The following SERAC1 variants were observed in gnomAD, a reference collection of about 807,000 sequenced individuals.
SERAC1 encodes serine active site containing 1.
SERAC1 carries 36 observed loss-of-function variants against 85.7 expected under a neutral mutation model. The ratio of observed to expected loss-of-function variants is 0.42; its 90% CI spans 0.32 to 0.55. The LOEUF (loss-of-function observed/expected upper bound fraction) is 0.55, where lower values mean the gene tolerates loss of function less well. Ranked by LOEUF, SERAC1 falls within the 20% of genes least tolerant of loss-of-function variation. SERAC1 has a pLI of 0.11. For synonymous variants in SERAC1, 242 were observed against 265.3 expected (o/e 0.91, Z 0.85); for missense variants, 629 against 796.2 (o/e 0.79, Z 2.53).
chr6:158,141,401 T>C (rs1041458008), intron 8 of SERAC1, among the ~76,000 whole-genome samples: 1 of 152,180 alleles, frequency 6.6e-6, no homozygotes, highest in African/African-American at 2.4e-5. Context: ...TAAAACCCAA[T>C]GAATTGTATA....
chr6:158,137,416 A>T (rs999237006), intron 8 of SERAC1, among the ~76,000 whole-genome samples: 5 of 149,162 alleles, frequency 3.4e-5, no homozygotes, highest in Non-Finnish European at 7.4e-5. Flanking sequence ...TCTGTCATTT[A>T]AAAAAAAAAT....
chr6:158,163,851 C>T (rs553652027), intron 1 of SERAC1, among the ~76,000 whole-genome samples: 2 of 152,044 alleles, frequency 1.3e-5, no homozygotes, highest in Non-Finnish European at 2.9e-5. Flanking sequence ...ATTCTCCTGC[C>T]TCAGCCTCCC....
intron 16 of SERAC1, chr6:158,112,448 A>AT (rs138701828): frequency 0.2 from 30,843 of 151,868 alleles, 3,234 homozygotes; most frequent in East Asian, 0.3. Context: ...CTGTTGCTTC[A>AT]AGCTTCCAAA....
intron 1 of SERAC1, among the ~76,000 whole-genome samples, chr6:158,165,030 G>A (rs1562464555): frequency 6.6e-6 from 1 of 152,186 alleles, no homozygotes; most frequent in African/African-American, 2.4e-5. Context: ...CCGAGTCCCT[G>A]ATGATTACAG....
At position 158,111,397 on chromosome 6, in the gene SERAC1, C is replaced by A. The variant is rs775296113; in HGVS notation, c.1934G>T (p.Arg645Leu). 1 of 1,603,136 alleles carries A rather than the reference C, an allele frequency of 6.2e-7. No individual in the cohort carries two copies. Among genetic ancestry groups the A allele is most frequent in the Non-Finnish European group, 8.5e-7 (1 of 1,176,894 alleles). Reference protein sequence around the residue: ...FLYQRTLQFIREALAKDLEN With the variant: ...FLYQRTLQFILEALAKDLEN ...TTCAAGGTCTTTGGCTAAAGCTTCA[C>A]GAATGAATTGTAAAGTACGCTGGTA... The change falls in exon 17 of 17, where the codon CGT becomes CTT. Residue 645 changes from arginine (R) to leucine (L), a missense_variant. Physicochemically the swap from Arg to Leu is moderately radical, Grantham distance 102. Transcript: ENST00000647468.
chr6:158,121,305 G>A (rs963364422), intron 10 of SERAC1, among the ~76,000 whole-genome samples: 5 of 151,846 alleles, frequency 3.3e-5, no homozygotes, highest in Admixed American at 1.3e-4. Context: ...TAGCTTTTTC[G>A]CTATATCTAT....
At chr6:158,133,316 A>G (rs1321735298) in intron 8 of SERAC1, among the ~76,000 whole-genome samples, 1 of 151,720 alleles carries the variant, frequency 6.6e-6, no homozygotes, top group African/African-American at 2.4e-5. Context: ...CAAAAAAAAA[A>G]AAGGAATAGG....
intron 5 of SERAC1, among the ~76,000 whole-genome samples, chr6:158,148,472 T>C (rs1346295499): frequency 6.6e-6 from 1 of 152,128 alleles, no homozygotes; most frequent in East Asian, 1.9e-4. Flanking sequence ...AGACAGAGTC[T>C]CACTCTGTCA....
chr6:158,150,644 G>GGCCGGGCGCGGTGGCTC, intron 3 of SERAC1, 55 bp from the exon 4 acceptor site: 1 of 1,258,596 alleles, frequency 7.9e-7, no homozygotes, highest in Non-Finnish European at 1.1e-6. Flanking sequence ...TGTAACACAA[G>GGCCGGGCGCGGTGGCTC]AGCTACTCTT....
At chr6:158,149,100 C>T in intron 4 of SERAC1, 146 bp from the exon 5 acceptor site, 4 of 565,566 alleles carry the variant, frequency 7.1e-6, no homozygotes, top group Middle Eastern at 4.9e-4. Context: ...CCCCATTCTC[C>T]TGCTTCACAG....
intron 8 of SERAC1, among the ~76,000 whole-genome samples, chr6:158,139,075 G>GT (rs1323557596): frequency 6.6e-6 from 1 of 151,850 alleles, no homozygotes; most frequent in East Asian, 1.9e-4. Context: ...ACTGGTTAAT[G>GT]TTTTTCTTCT....
chr6:158,143,306 TC>T, intron 7 of SERAC1, 122 bp from the exon 8 acceptor site: 1 of 282,236 alleles, frequency 3.5e-6, no homozygotes, highest in Non-Finnish European at 6.5e-6. Context: ...TGTGTGCATG[TC>T]TCTCTCTCTC....
rs536606332 is a variant in SERAC1 at position 158,147,852 on chromosome 6, G to A, written c.356-939C>T. ...ATTCAATAACTGTTATTATTTTACC[G>A]TATTTTCTTCATCTATATTCACATG... On this transcript the variant is annotated intron_variant, in intron 5 of 16. Transcript: ENST00000647468. Among the ~76,000 whole-genome samples the A allele has an allele frequency of 6.3e-5, 9 of 143,820 alleles. No individual in the cohort carries two copies. In the South Asian group the frequency reaches 6.6e-4, roughly 11 times the overall value. 94.4% of individuals were successfully genotyped at this position (143,820 alleles called of 152,430 possible).
At position 158,116,688 on chromosome 6, in the gene SERAC1, T is replaced by C. The variant is rs147900860; in HGVS notation, c.1404-406A>G. 6.3e-3 allele frequency: 1,051 copies of C among 166,990 alleles called. 16 individuals are homozygous for C. The highest frequency in any genetic ancestry group is 0.024 in the African/African-American group (998 of 41,922). The allele number at this position is 166,990 out of a possible 1,614,324, so 10.3% of individuals were successfully genotyped here. A position where few individuals can be genotyped will look rare whatever the true frequency, so the allele number is the denominator to read the frequency against. ...TGTCAGGCAATTTTTTCGGGTCAAA[T>C]GTGGGTCTCCCTGCAACTGCCCTCC... On this transcript the variant is annotated intron_variant, in intron 13 of 16. Coordinates refer to ENST00000647468, the MANE Select transcript of SERAC1 (RefSeq NM_032861.4).
intron 13 of SERAC1, 75 bp from the exon 14 acceptor site, chr6:158,116,357 A>G: frequency 5.0e-6 from 6 of 1,200,788 alleles, no homozygotes; most frequent in Non-Finnish European, 7.4e-6. Flanking sequence ...TTTTAGAGTT[A>G]AGAACTTTAG....
Position 158,117,458 on chromosome 6 carries a change from A to G in SERAC1, c.1403+269T>C, listed in dbSNP as rs776879730. Reference sequence around the variant, plus strand: ...ACTTCTGATAGAAAAGGAGACTGCTAGACAATCCACGATCCTTCACTATTA... The same window carrying G: ...ACTTCTGATAGAAAAGGAGACTGCTGGACAATCCACGATCCTTCACTATTA... On this transcript the variant is annotated intron_variant, in intron 13 of 16. Coordinates refer to ENST00000647468, the MANE Select transcript of SERAC1 (RefSeq NM_032861.4). This position sits in a 1 kb window ranked among gnomAD's most constrained non-coding sequence, Gnocchi z 4.3. 7 of 1,501,954 alleles carry G rather than the reference A, an allele frequency of 4.7e-6. No individual in the cohort carries two copies. The highest frequency in any genetic ancestry group is 6.3e-6 in the Non-Finnish European group (7 of 1,111,056). The allele number at this position is 1,501,954 out of a possible 1,614,324, so 93.0% of individuals were successfully genotyped here.
In SERAC1 at chr6:158,143,333, CTCTCTCTCTCTCTCTATATATATATATA is replaced by C. The variant is rs1359603115; in HGVS notation, c.610-177_610-150del. The C allele has an allele frequency of 2.0e-3, 334 of 170,602 alleles. 2 individuals carry two copies. The highest frequency in any genetic ancestry group is 0.016 in the African/African-American group (225 of 13,648). 10.6% of individuals were successfully genotyped at this position (170,602 alleles called of 1,614,324 possible). A position where few individuals can be genotyped will look rare whatever the true frequency, so the allele number is the denominator to read the frequency against. On this transcript the variant is annotated intron_variant, in intron 7 of 16. Transcript: ENST00000647468. ...TCTCTCTCTCTCTCTCTCTCTCTCTCTCTCTCTCTCTCTCTATATATATATATATATATATATATATACACACACACAT... is the reference window on the plus strand; with the variant it reads ...TCTCTCTCTCTCTCTCTCTCTCTCTCTATATATATATATACACACACACAT...
intron 8 of SERAC1, among the ~76,000 whole-genome samples, chr6:158,140,421 C>G (rs1184915536): frequency 6.6e-6 from 1 of 152,176 alleles, no homozygotes; most frequent in Admixed American, 6.5e-5. Context: ...ATACCGGAAC[C>G]CGTGGAGATG....
intron 1 of SERAC1, among the ~76,000 whole-genome samples, chr6:158,165,571 A>G (rs1276402063): frequency 6.6e-6 from 1 of 152,140 alleles, no homozygotes; most frequent in Non-Finnish European, 1.5e-5. Flanking sequence ...CAGGCCTTTC[A>G]TACTCAACTG....
Sources: allele counts gnomAD v4.1 joint callset (sites outside exome capture counted in the v4.1 genomes callset), GRCh38; gene constraint gnomAD v4.1.1; non-coding constraint Gnocchi (gnomAD v3.1); transcripts MANE v1.5; gene names NCBI Gene and HGNC (gene_info 2026-07-23, HGNC 2026-07-21).